The following KLF7 variants were observed in gnomAD, a reference collection of about 807,000 sequenced individuals.
KLF7 encodes Krueppel-like factor 7.
KLF7 carries 2 observed loss-of-function variants against 27.3 expected under a neutral mutation model. That is an observed-to-expected ratio of 0.07 (90% CI 0.03 to 0.23). KLF7 has a LOEUF of 0.23. KLF7 is among the 10% of genes least tolerant of loss of function. The pLI is 1.00. For missense variants in KLF7, 221 were observed against 394.1 expected (o/e 0.56, Z 3.72); for synonymous variants, 165 against 162.4 (o/e 1.02, Z -0.12).
In KLF7 at chr2:207,077,674, G is replaced by A. The variant is rs2076199282; in HGVS notation, c.*3539C>T. The A allele has an allele frequency of 6.6e-6, 1 of 152,180 alleles. No individual in the cohort carries two copies. Among genetic ancestry groups the A allele is most frequent in the Admixed American group, 6.5e-5 (1 of 15,282 alleles). The allele number at this position is 152,180 out of a possible 1,614,324, so 9.4% of individuals were successfully genotyped here. The stretch of plus-strand genomic sequence containing the variant: ...TCATTACCACCAGGCATTGAGCTGA[G>A]CCATTAACCATGGGTGGGGCAGGAG... On this transcript the variant is annotated 3_prime_UTR_variant, in exon 4 of 4. Transcript: ENST00000309446.
rs1254741010 is a variant in KLF7 at position 207,088,472 on chromosome 2, G to A, written c.843C>T (p.Cys281=). The A allele has an allele frequency of 5.6e-6, 9 of 1,613,518 alleles. No individual in the cohort carries two copies. Among genetic ancestry groups the A allele is most frequent in the African/African-American group, 1.3e-5 (1 of 74,918 alleles). ...CTTCTCTTTACCTGTCGCAGTGGTT[G>A]CATTTGAAGGGCTTTGCACCTGTGT... ...RKHTGAKPFK[C]NHCDRCFSRS... Residue 281 remains cysteine (C), a synonymous_variant, in exon 3 of 4, where the codon TGC becomes TGT. Transcript: ENST00000309446.
intron 2 of KLF7, chr2:207,121,873 T>G (rs1171299326): frequency 5.9e-5 from 9 of 152,272 alleles, no homozygotes; most frequent in African/African-American, 2.2e-4. Flanking sequence ...AAAGAATCTC[T>G]GCTTTCCCAG....
At chr2:207,127,431 G>A (rs16839275) in intron 1 of KLF7, among the ~76,000 whole-genome samples, 40,693 of 152,114 alleles carry the variant, frequency 0.27, 6,144 homozygotes, top group East Asian at 0.51. Flanking sequence ...CTCATCAGGA[G>A]TATGGAGATT....
At chr2:207,141,425 T>G (rs1574548101) in intron 1 of KLF7, among the ~76,000 whole-genome samples, 4 of 152,048 alleles carry the variant, frequency 2.6e-5, no homozygotes, top group Middle Eastern at 6.8e-3. Flanking sequence ...GGAATCAAAC[T>G]CAAACACATT....
chr2:207,171,267 A>C (rs1263675), upstream of KLF7, among the ~76,000 whole-genome samples: 152,023 of 152,032 alleles, frequency 1, 76,007 homozygotes, highest in Non-Finnish European at 1. Context: ...CATGATAAAA[A>C]TTACATGAAT....
chr2:207,079,715 G>A lies in KLF7; in HGVS notation c.*1498C>T, dbSNP rs1243012757. On this transcript the variant is annotated 3_prime_UTR_variant, in exon 4 of 4. Coordinates refer to ENST00000309446, the MANE Select transcript of KLF7 (RefSeq NM_003709.4). ...TAAATGTGAGGCCTCTGTTAATCCT[G>A]GGGGTTCTAGGTCACAAGTCATGGT... The A allele has an allele frequency of 6.6e-6, 1 of 151,088 alleles. No individual in the cohort carries two copies. Among genetic ancestry groups the A allele is most frequent in the South Asian group, 2.1e-4 (1 of 4,782 alleles). 9.4% of individuals were successfully genotyped at this position (151,088 alleles called of 1,614,324 possible).
chr2:207,123,943 C>T lies in KLF7; in HGVS notation c.564G>A (p.Val188=), dbSNP rs751537214. ...CACTCTTAACGGCCCCCGCAGCCGTCACGGCTGCTGCAGCTGTTGCGACCC... is the reference window on the plus strand; with the variant it reads ...CACTCTTAACGGCCCCCGCAGCCGTTACGGCTGCTGCAGCTGTTGCGACCC... ...VGGVATAAAA[V]TAAGAVKSGQ... is the part of the protein sequence containing the mutation. The change falls in exon 2 of 4, where the codon GTG becomes GTA. Residue 188 remains valine, a synonymous_variant. Transcript: ENST00000309446. 2.5e-6 allele frequency: 4 copies of T among 1,614,190 alleles called. No individual in the cohort carries two copies. The highest frequency in any genetic ancestry group is 2.2e-5 in the South Asian group (2 of 91,086).
chr2:207,102,938 T>G (rs926954704), intron 2 of KLF7, among the ~76,000 whole-genome samples: 1 of 152,156 alleles, frequency 6.6e-6, no homozygotes, highest in African/African-American at 2.4e-5. Flanking sequence ...CTTTTATTTA[T>G]TTATTTTTGA....
chr2:207,084,905 G>A (rs1049061128), intron 3 of KLF7, among the ~76,000 whole-genome samples: 11 of 152,150 alleles, frequency 7.2e-5, no homozygotes, highest in Non-Finnish European at 1.2e-4. Context: ...GCTCGCGCCT[G>A]TAATCCCAGC....
At chr2:207,094,879 CTACA>C (rs1307319692) in intron 2 of KLF7, among the ~76,000 whole-genome samples, 1 of 151,964 alleles carries the variant, frequency 6.6e-6, no homozygotes, top group Non-Finnish European at 1.5e-5. Flanking sequence ...ATAATAACTA[CTACA>C]TAAATTAAAA....
At chr2:207,083,892 G>A (rs931040523) in intron 3 of KLF7, among the ~76,000 whole-genome samples, 1 of 152,128 alleles carries the variant, frequency 6.6e-6, no homozygotes, top group Non-Finnish European at 1.5e-5. Context: ...AGGAATGTGG[G>A]CAGCTTCTAG....
chr2:207,160,568 G>A (rs912213924), intron 1 of KLF7, among the ~76,000 whole-genome samples: 1 of 143,704 alleles, frequency 7.0e-6, no homozygotes, highest in Non-Finnish European at 1.5e-5. Flanking sequence ...AGCCAGATGG[G>A]ACTGGCCAGA....
rs889016376 is a variant in KLF7 at position 207,078,725 on chromosome 2, G to A, written c.*2488C>T. On this transcript the variant is annotated 3_prime_UTR_variant, in exon 4 of 4. Coordinates refer to ENST00000309446, the MANE Select transcript of KLF7 (RefSeq NM_003709.4). ...AGTTTCATCTAGTGCACTGACTGGAGGCGCTACAGTTTAATACAGCTGAGG... is the reference window on the plus strand; with the variant it reads ...AGTTTCATCTAGTGCACTGACTGGAAGCGCTACAGTTTAATACAGCTGAGG... 1 of 152,178 alleles carries A rather than the reference G, an allele frequency of 6.6e-6. No individual in the cohort carries two copies. The highest frequency in any genetic ancestry group is 2.4e-5 in the African/African-American group (1 of 41,446). 9.4% of individuals were successfully genotyped at this position (152,178 alleles called of 1,614,324 possible). A position where few individuals can be genotyped will look rare whatever the true frequency, so the allele number is the denominator to read the frequency against.
chr2:207,093,267 G>C (rs1051766212), intron 2 of KLF7, among the ~76,000 whole-genome samples: 2 of 152,192 alleles, frequency 1.3e-5, no homozygotes, highest in African/African-American at 4.8e-5. Context: ...AAGTTCCAAT[G>C]GTTTTCTATC....
At chr2:207,167,143 G>T, upstream of KLF7, 1 of 1,441,382 alleles carries the variant, frequency 6.9e-7, no homozygotes, top group South Asian at 1.4e-5. Flanking sequence ...GGCTCACCAT[G>T]GGGTCTCCAG....
intron 2 of KLF7, among the ~76,000 whole-genome samples, chr2:207,101,227 T>C (rs1184133740): frequency 6.6e-6 from 1 of 152,212 alleles, no homozygotes; most frequent in African/African-American, 2.4e-5. Context: ...TTGGTTCAAA[T>C]ATATGCCAAC....
In KLF7 at chr2:207,124,485, G is replaced by A. The variant is rs1422764478; in HGVS notation, c.103-81C>T. On this transcript the variant is annotated intron_variant, in intron 1 of 3. Transcript: ENST00000309446. ...AGGCCACACGTTGACAGGCAGAGGG[G>A]GAAGGTGCAGAGAGAATGGTGTCAT... 9 of 1,364,062 alleles carry A rather than the reference G, an allele frequency of 6.6e-6. No individual in the cohort carries two copies. The African/African-American group carries it at 1.3e-4, about 20-fold the overall frequency. 84.5% of individuals were successfully genotyped at this position (1,364,062 alleles called of 1,614,324 possible). A position where few individuals can be genotyped will look rare whatever the true frequency, so the allele number is the denominator to read the frequency against.
intron 1 of KLF7, among the ~76,000 whole-genome samples, chr2:207,155,072 G>A (rs532484080): frequency 4.6e-5 from 7 of 152,146 alleles, no homozygotes; most frequent in South Asian, 4.1e-4. Flanking sequence ...CCCTGCTGAG[G>A]CTTGGATCCC....
upstream of KLF7, among the ~76,000 whole-genome samples, chr2:207,168,794 ATT>A (rs2078764167): frequency 6.6e-6 from 1 of 152,208 alleles, no homozygotes; most frequent in African/African-American, 2.4e-5. Context: ...TATTAGTTAT[ATT>A]TAGCTACTTT....
Sources: gnomAD v4.1 joint callset for allele counts (sites outside exome capture counted in the v4.1 genomes callset) on GRCh38, gnomAD v4.1.1 for gene constraint, MANE v1.5 for transcripts, NCBI Gene and HGNC (gene_info 2026-07-23, HGNC 2026-07-21) for gene names.